The following GABRA4 variants were observed in gnomAD, a reference collection of about 807,000 sequenced individuals.
GABRA4 encodes the protein gamma-aminobutyric acid type A receptor subunit alpha4.
In GABRA4, 12 loss-of-function variants were observed where a neutral mutation model predicts 49.7. That is an observed-to-expected ratio of 0.24 (90% CI 0.15 to 0.39). The LOEUF (loss-of-function observed/expected upper bound fraction) is 0.39, where lower values mean the gene tolerates loss of function less well. Among genes scored for constraint, GABRA4 ranks in the 10% least tolerant of loss-of-function variants. GABRA4 has a pLI of 1.00. For missense variants in GABRA4, 506 were observed against 686.0 expected, an observed-to-expected ratio of 0.74 and a Z score of 2.93; for synonymous variants, 288 against 240.2, an observed-to-expected ratio of 1.20 and a Z score of -1.84.
rs576642326 is a variant in GABRA4, at chr4:46,967,683, T to C, written c.875-2454A>G. Among the ~76,000 whole-genome samples the C allele has an allele frequency of 3.3e-5, 5 of 151,786 alleles. No homozygotes were observed. In the South Asian group the frequency reaches 1.0e-3, roughly 32 times the overall value. ...AGGAAGACAATTCATCTGTCGTGTA[T>C]GGCTTAGCCGGCATCTACCCTGAAC... On this transcript the variant is annotated intron_variant, in intron 7 of 8. Coordinates refer to ENST00000264318, the MANE Select transcript of GABRA4 (RefSeq NM_000809.4).
rs372185528 is a variant in GABRA4, at chr4:46,946,624, C to T, written c.1135-17869G>A. Among the ~76,000 whole-genome samples, 103 of 152,164 alleles carry T rather than the reference C, an allele frequency of 6.8e-4. 1 individual carries two copies. In the East Asian group the frequency reaches 7.5e-3, roughly 11 times the overall value. On this transcript the variant is annotated intron_variant, in intron 8 of 8. Transcript: ENST00000264318. Reference sequence around the variant, plus strand: ...AATAAAGAAATGCCACAACATTCTGCGAATAGGAAAGGATGATTATAAGAC... The same window carrying T: ...AATAAAGAAATGCCACAACATTCTGTGAATAGGAAAGGATGATTATAAGAC...
rs1329787329 is a variant in GABRA4 at position 46,927,701 on chromosome 4, T to A, written c.*524A>T. The A allele has an allele frequency of 6.6e-6, 1 of 152,398 alleles. No homozygotes were observed. Among genetic ancestry groups the A allele is most frequent in the African/African-American group, 2.4e-5 (1 of 41,446 alleles). 9.4% of individuals were successfully genotyped at this position (152,398 alleles called of 1,614,324 possible). On this transcript the variant is annotated 3_prime_UTR_variant, in exon 9 of 9. Coordinates refer to ENST00000264318, the MANE Select transcript of GABRA4 (RefSeq NM_000809.4). Reference sequence around the variant, plus strand: ...GTTTTTTATGCAGCAGATATTTTACTCTATTGATCAGTGTTTATACTATTC... The same window carrying A: ...GTTTTTTATGCAGCAGATATTTTACACTATTGATCAGTGTTTATACTATTC...
intron 2 of GABRA4, among the ~76,000 whole-genome samples, chr4:46,986,618 CCT>C: frequency 6.6e-6 from 1 of 152,100 alleles, no homozygotes; most frequent in South Asian, 2.1e-4. Context: ...AACTTAATCC[CCT>C]GTAATCTTTT....
At chr4:46,957,690 C>T (rs537260917) in intron 8 of GABRA4, among the ~76,000 whole-genome samples, 1 of 152,090 alleles carries the variant, frequency 6.6e-6, no homozygotes, top group South Asian at 2.1e-4. Flanking sequence ...ATCTCAGCCT[C>T]CATTTCCCTC....
At chr4:46,984,250 A>T (rs1329338321) in intron 2 of GABRA4, among the ~76,000 whole-genome samples, 1 of 152,024 alleles carries the variant, frequency 6.6e-6, no homozygotes, top group Non-Finnish European at 1.5e-5. Context: ...TTTTCCAGCC[A>T]CCTTATCCAT....
At chr4:46,986,068 C>G (rs541109609) in intron 2 of GABRA4, among the ~76,000 whole-genome samples, 114 of 152,070 alleles carry the variant, frequency 7.5e-4, no homozygotes, top group African/African-American at 2.7e-3. Flanking sequence ...TTCTTATTCA[C>G]TCCATCATCT....
intron 6 of GABRA4, among the ~76,000 whole-genome samples, chr4:46,973,759 C>A (rs193281075): frequency 6.6e-6 from 1 of 151,792 alleles, no homozygotes; most frequent in Non-Finnish European, 1.5e-5. Context: ...CATGTGATAA[C>A]CTTAATGTAT....
At position 46,977,466 on chromosome 4, in the gene GABRA4, T is replaced by A. The variant is rs749985151; in HGVS notation, c.438A>T (p.Thr146=). The change falls in exon 4 of 9, where the codon ACA becomes ACT. Residue 146 remains threonine (T), a synonymous_variant. Transcript: ENST00000264318. The stretch of plus-strand genomic sequence containing the variant: ...TAATTCTAAAAAGCTTATTTGGAGC[T>A]GTCATATTATGTGAGACAGATTTCT... ...NGKKSVSHNM[T]APNKLFRIMR... is the part of the protein sequence containing the mutation. The A allele has an allele frequency of 6.2e-7, 1 of 1,610,168 alleles. No homozygotes were observed. The highest frequency in any genetic ancestry group is 8.5e-7 in the Non-Finnish European group (1 of 1,177,238).
intron 8 of GABRA4, among the ~76,000 whole-genome samples, chr4:46,943,291 G>T (rs906171797): frequency 1.3e-5 from 2 of 152,026 alleles, no homozygotes; most frequent in African/African-American, 4.8e-5. Flanking sequence ...AGCTGTTTCT[G>T]CTTCCTTCTG....
intron 2 of GABRA4, among the ~76,000 whole-genome samples, chr4:46,985,435 G>A (rs181918625): frequency 7.9e-5 from 12 of 151,820 alleles, no homozygotes; most frequent in South Asian, 2.1e-4. Context: ...ATGAAAAGAC[G>A]TATAAAAAGA....
intron 2 of GABRA4, among the ~76,000 whole-genome samples, chr4:46,990,073 A>G (rs1723688238): frequency 6.6e-6 from 1 of 152,228 alleles, no homozygotes; most frequent in African/African-American, 2.4e-5. Flanking sequence ...CCCACTTCTA[A>G]AAAGTGAATC....
chr4:46,985,650 C>T (rs1723507091), intron 2 of GABRA4, among the ~76,000 whole-genome samples: 1 of 151,924 alleles, frequency 6.6e-6, no homozygotes, highest in Admixed American at 6.6e-5. Flanking sequence ...AAGTATTACC[C>T]AAATATCCAC....
intron 8 of GABRA4, among the ~76,000 whole-genome samples, chr4:46,938,210 T>C (rs1341645337): frequency 6.6e-6 from 1 of 152,140 alleles, no homozygotes; most frequent in Non-Finnish European, 1.5e-5. Flanking sequence ...GGAATTATTT[T>C]ATTCAGCTTC....
At chr4:46,982,742 T>A (rs1723400340) in intron 2 of GABRA4, among the ~76,000 whole-genome samples, 1 of 152,076 alleles carries the variant, frequency 6.6e-6, no homozygotes, top group African/African-American at 2.4e-5. Context: ...TTAGATTATA[T>A]TTTTTACAAA....
rs1371821811 is a variant in GABRA4 at position 46,920,066 on chromosome 4, A to G, written c.*8159T>C. The G allele has an allele frequency of 6.6e-6, 1 of 151,682 alleles. No individual in the cohort carries two copies. The highest frequency in any genetic ancestry group is 2.4e-5 in the African/African-American group (1 of 41,424). The allele number at this position is 151,682 out of a possible 1,614,324, so 9.4% of individuals were successfully genotyped here. A position where few individuals can be genotyped will look rare whatever the true frequency, so the allele number is the denominator to read the frequency against. ...ACAAGCCAACATGCTGCACTGTGTTAGCAACATCTGTAAAGACAAAATGTA... is the reference window on the plus strand; with the variant it reads ...ACAAGCCAACATGCTGCACTGTGTTGGCAACATCTGTAAAGACAAAATGTA... On this transcript the variant is annotated 3_prime_UTR_variant, in exon 9 of 9. Coordinates refer to ENST00000264318, the MANE Select transcript of GABRA4 (RefSeq NM_000809.4).
At chr4:46,946,079 C>A (rs1462082646) in intron 8 of GABRA4, among the ~76,000 whole-genome samples, 2 of 152,008 alleles carry the variant, frequency 1.3e-5, no homozygotes, top group African/African-American at 2.4e-5. Flanking sequence ...AAAACAACAA[C>A]AAAAAATTTC....
Position 46,923,078 on chromosome 4 carries a change from T to G in GABRA4, c.*5147A>C, listed in dbSNP as rs55731723. The G allele has an allele frequency of 0.015, 2,229 of 152,240 alleles. 27 individuals carry two copies. The highest frequency in any genetic ancestry group is 0.027 in the South Asian group (132 of 4,824). 9.4% of individuals were successfully genotyped at this position (152,240 alleles called of 1,614,324 possible). On this transcript the variant is annotated 3_prime_UTR_variant, in exon 9 of 9. Coordinates refer to ENST00000264318, the MANE Select transcript of GABRA4 (RefSeq NM_000809.4). ...TGATCTGAGATGGAACAATTTCATC[T>G]GAAAACCATTCCCCCACCCTCACCC...
chr4:46,953,260 G>A (rs1722233908), intron 8 of GABRA4, among the ~76,000 whole-genome samples: 1 of 151,966 alleles, frequency 6.6e-6, no homozygotes, highest in Admixed American at 6.6e-5. Context: ...AGTTCTGCCA[G>A]CATCCCTCAC....
Position 46,925,862 on chromosome 4 carries a change from G to A in GABRA4, c.*2363C>T, listed in dbSNP as rs1267063350. ...TCAAATTAACAATTAAGAATCCTTG[G>A]TTAATTCTGTCCTTTCTCATTCTTT... On this transcript the variant is annotated 3_prime_UTR_variant, in exon 9 of 9. Transcript: ENST00000264318. 3 of 149,992 alleles carry A rather than the reference G, an allele frequency of 2.0e-5. No homozygotes were observed. Among genetic ancestry groups the A allele is most frequent in the Non-Finnish European group, 4.4e-5 (3 of 67,444 alleles). 9.3% of individuals were successfully genotyped at this position (149,992 alleles called of 1,614,324 possible). A position where few individuals can be genotyped will look rare whatever the true frequency, so the allele number is the denominator to read the frequency against.
Sources: gnomAD v4.1 joint callset for allele counts (sites outside exome capture counted in the v4.1 genomes callset) on GRCh38, gnomAD v4.1.1 for gene constraint, MANE v1.5 for transcripts, NCBI Gene and HGNC (gene_info 2026-07-23, HGNC 2026-07-21) for gene names.